Variants in RIMS2 observed in about 807,000 individuals in gnomAD.
The protein encoded by RIMS2 is regulating synaptic membrane exocytosis 2.
A neutral mutation model predicts 174.4 loss-of-function variants in RIMS2; 59 were observed. That is an observed-to-expected ratio of 0.34 (90% CI 0.27 to 0.42). The LOEUF (loss-of-function observed/expected upper bound fraction) is 0.42, where lower values mean the gene tolerates loss of function less well. Among genes scored for constraint, RIMS2 ranks in the 10% least tolerant of loss-of-function variants. The pLI is 1.00. For missense variants in RIMS2, 1,620 were observed against 1,666.3 expected, an observed-to-expected ratio of 0.97 and a Z score of 0.48; for synonymous variants, 606 against 572.5, an observed-to-expected ratio of 1.06 and a Z score of -0.84.
intron 1 of RIMS2, among the ~76,000 whole-genome samples, chr8:103,572,488 A>C (rs778215206): frequency 2.6e-5 from 4 of 152,108 alleles, no homozygotes; most frequent in Non-Finnish European, 4.4e-5. Context: ...TGCTTTCTAC[A>C]GGGGCTGAAC....
intron 1 of RIMS2, among the ~76,000 whole-genome samples, chr8:103,599,841 A>G (rs1371693946): frequency 1.3e-5 from 2 of 152,194 alleles, no homozygotes; most frequent in African/African-American, 4.8e-5. Flanking sequence ...TAGTAATCAC[A>G]TCATGGAAAA....
chr8:103,572,356 G>C (rs1049938264), intron 1 of RIMS2, among the ~76,000 whole-genome samples: 1 of 106,306 alleles, frequency 9.4e-6, no homozygotes, highest in African/African-American at 4.0e-5. Context: ...ACGCCTTGCC[G>C]ATTGGTCCAT....
intron 1 of RIMS2, among the ~76,000 whole-genome samples, chr8:103,646,302 G>A (rs571337940): frequency 2.0e-5 from 3 of 152,188 alleles, no homozygotes; most frequent in South Asian, 2.1e-4. Context: ...TGTGTGCCAC[G>A]TGAGGTAGAA....
intron 19 of RIMS2, among the ~76,000 whole-genome samples, chr8:104,195,444 A>T (rs1349138525): frequency 6.6e-6 from 1 of 151,842 alleles, no homozygotes; most frequent in Admixed American, 6.6e-5. Context: ...TCAAGTAAAG[A>T]TGTGTAGTGG....
intron 17 of RIMS2, among the ~76,000 whole-genome samples, chr8:104,008,468 A>G (rs182798991): frequency 0.13 from 19,291 of 148,036 alleles, 1,658 homozygotes; most frequent in Non-Finnish European, 0.19. Flanking sequence ...TCTTCAAAAT[A>G]TTTACATCTT....
intron 3 of RIMS2, among the ~76,000 whole-genome samples, chr8:103,824,867 G>A (rs1047873085): frequency 9.8e-5 from 15 of 152,290 alleles, no homozygotes; most frequent in South Asian, 8.3e-4. Flanking sequence ...AATGTGAGAC[G>A]TAGAGTTAAT....
At chr8:103,730,229 T>A (rs1200526176) in intron 2 of RIMS2, among the ~76,000 whole-genome samples, 1 of 152,086 alleles carries the variant, frequency 6.6e-6, no homozygotes, top group Non-Finnish European at 1.5e-5. Flanking sequence ...TCTAGTAATA[T>A]TTGCTTTCTA....
At chr8:103,929,477 T>C (rs2079473442) in intron 11 of RIMS2, among the ~76,000 whole-genome samples, 1 of 151,912 alleles carries the variant, frequency 6.6e-6, no homozygotes. Flanking sequence ...TATTTGTTTC[T>C]TAAATGTAAC....
At chr8:104,013,442 G>A in exon 18 of RIMS2, 1 of 1,613,252 alleles carries the variant, frequency 6.2e-7, no homozygotes, top group Non-Finnish European at 8.5e-7. Flanking sequence ...AACGTTTCAG[G>A]GATTGTGAAG....
chr8:103,747,338 G>T (rs991888171), intron 2 of RIMS2, among the ~76,000 whole-genome samples: 6 of 150,186 alleles, frequency 4.0e-5, no homozygotes, highest in Non-Finnish European at 8.9e-5. Flanking sequence ...AAGAGACAGG[G>T]TTGGGGAGTG....
intron 1 of RIMS2, among the ~76,000 whole-genome samples, chr8:103,510,087 A>G (rs1480346659): frequency 1.3e-5 from 2 of 152,140 alleles, no homozygotes; most frequent in Non-Finnish European, 2.9e-5. Context: ...TTTTCTTCCA[A>G]TCAAGCTTAT....
intron 19 of RIMS2, among the ~76,000 whole-genome samples, chr8:104,104,791 G>A (rs1461498585): frequency 6.6e-6 from 1 of 151,278 alleles, no homozygotes; most frequent in African/African-American, 2.4e-5. Flanking sequence ...GAGATGGGAG[G>A]ATCCCTTTGG....
intron 19 of RIMS2, among the ~76,000 whole-genome samples, chr8:104,231,814 A>T (rs1371238655): frequency 6.6e-6 from 1 of 152,246 alleles, no homozygotes; most frequent in East Asian, 1.9e-4. Context: ...ATGAGGTATT[A>T]GCCACATGTG....
intron 9 of RIMS2, chr8:103,921,002 G>GCAGCAA (rs1554979432): frequency 1.8e-4 from 36 of 197,028 alleles, no homozygotes; most frequent in South Asian, 8.5e-4. Flanking sequence ...CTGTCTCAAA[G>GCAGCAA]CAACAACAAC....
At chr8:103,731,170 C>A (rs1443769506) in intron 2 of RIMS2, among the ~76,000 whole-genome samples, 1 of 152,106 alleles carries the variant, frequency 6.6e-6, no homozygotes, top group East Asian at 1.9e-4. Context: ...GTGGGAGCTA[C>A]AATTCATGGT....
chr8:104,010,827 C>G (rs2095738520), intron 17 of RIMS2, among the ~76,000 whole-genome samples: 1 of 151,862 alleles, frequency 6.6e-6, no homozygotes, highest in Admixed American at 6.6e-5. Flanking sequence ...CATGGCCACT[C>G]TTTTTGGAAT....
chr8:103,784,964 C>G (rs2098427040), intron 3 of RIMS2, among the ~76,000 whole-genome samples: 1 of 141,224 alleles, frequency 7.1e-6, no homozygotes, highest in Non-Finnish European at 1.5e-5. Context: ...GTTTGTAGTT[C>G]TCCTTGAAGA....
chr8:103,869,997 TC>T (rs1389646055), intron 3 of RIMS2, among the ~76,000 whole-genome samples: 1 of 152,168 alleles, frequency 6.6e-6, no homozygotes, highest in Non-Finnish European at 1.5e-5. Context: ...GTATTGTTTT[TC>T]CTTTGTTCTA....
At chr8:104,078,785 T>A (rs1249957108) in intron 19 of RIMS2, among the ~76,000 whole-genome samples, 1 of 152,236 alleles carries the variant, frequency 6.6e-6, no homozygotes, top group Non-Finnish European at 1.5e-5. Context: ...TTTATTTCTT[T>A]TTTGATTTTA....
Sources: allele counts gnomAD v4.1 joint callset (sites outside exome capture counted in the v4.1 genomes callset), GRCh38; gene constraint gnomAD v4.1.1; transcripts MANE v1.5; gene names NCBI Gene and HGNC (gene_info 2026-07-23, HGNC 2026-07-21).